The following SPOCK3 variants were observed in gnomAD, a reference collection of about 807,000 sequenced individuals.
SPOCK3 encodes the protein SPARC (osteonectin), cwcv and kazal like domains proteoglycan 3, also known as testican-3.
In SPOCK3, 30 loss-of-function variants were observed where a neutral mutation model predicts 56.6. The observed-to-expected ratio is 0.53, with a 90% CI of 0.40 to 0.72. The LOEUF (loss-of-function observed/expected upper bound fraction) is 0.72. SPOCK3 is among the 30% of genes least tolerant of loss of function. SPOCK3 has a pLI of 0.00. For missense variants in SPOCK3, 527 were observed against 530.0 expected, an observed-to-expected ratio of 0.99 and a Z score of 0.06; for synonymous variants, 196 against 183.3, an observed-to-expected ratio of 1.07 and a Z score of -0.56.
chr4:167,141,003 C>T (rs1009255143), intron 2 of SPOCK3, among the ~76,000 whole-genome samples: 2 of 151,972 alleles, frequency 1.3e-5, no homozygotes, highest in African/African-American at 4.8e-5. Flanking sequence ...AGATTCTAGC[C>T]TTCAGAGGGG....
chr4:167,019,437 A>G (rs1301241061), intron 3 of SPOCK3, among the ~76,000 whole-genome samples: 1 of 151,840 alleles, frequency 6.6e-6, no homozygotes, highest in Non-Finnish European at 1.5e-5. Context: ...TATACGTGAT[A>G]TACATAGAGT....
intron 3 of SPOCK3, chr4:167,011,096 A>G (rs1750000766): frequency 4.0e-6 from 1 of 252,598 alleles, no homozygotes; most frequent in African/African-American, 2.2e-5. Flanking sequence ...AATTGGTGAA[A>G]CAGAAAAAAA....
At position 167,138,975 on chromosome 4, in the gene SPOCK3, T is replaced by C. The variant is rs557341334; in HGVS notation, c.190-76438A>G. Among the ~76,000 whole-genome samples the C allele has an allele frequency of 5.3e-5, 8 of 152,050 alleles. No homozygotes were observed. The East Asian group carries it at 1.5e-3, about 29-fold the overall frequency. On this transcript the variant is annotated intron_variant, in intron 2 of 10. Transcript: ENST00000357545. ...TAATTCATTAAAATTTTAACAACAA[T>C]AAAATGTTAAACACAGCAGTGTCAA... is the stretch of plus-strand genomic sequence containing the variant.
chr4:167,027,427 C>A lies in SPOCK3; in HGVS notation c.236-26964G>T, dbSNP rs771002655. The stretch of plus-strand genomic sequence containing the variant: ...TCACTAGGTAATGTCCCTTGTCTTG[C>A]ATTTTGTTTGGGGATTTTCTTTGTA... On this transcript the variant is annotated intron_variant, in intron 3 of 10. Coordinates refer to ENST00000357545, the MANE Select transcript of SPOCK3 (RefSeq NM_001040159.2). 7.4e-4 allele frequency among the ~76,000 whole-genome samples: 113 copies of A among 151,850 alleles called. 1 individual carries two copies. The highest frequency in any genetic ancestry group is 1.5e-3 in the Non-Finnish European group (104 of 67,926).
intron 3 of SPOCK3, among the ~76,000 whole-genome samples, chr4:167,059,210 A>C (rs181064387): frequency 6.6e-6 from 1 of 152,290 alleles, no homozygotes; most frequent in East Asian, 1.9e-4. Context: ...CAGAGTGAAC[A>C]GGCAACCTAC....
At chr4:166,960,324 G>C (rs1737545694) in intron 4 of SPOCK3, among the ~76,000 whole-genome samples, 1 of 152,126 alleles carries the variant, frequency 6.6e-6, no homozygotes, top group African/African-American at 2.4e-5. Context: ...ATAGTGAAAG[G>C]CCACAATGAG....
At chr4:167,065,177 C>T (rs898759925) in intron 2 of SPOCK3, among the ~76,000 whole-genome samples, 1 of 151,456 alleles carries the variant, frequency 6.6e-6, no homozygotes, top group African/African-American at 2.4e-5. Flanking sequence ...CCAGTGGCAA[C>T]ACCCAAAAGG....
intron 4 of SPOCK3, among the ~76,000 whole-genome samples, chr4:166,952,043 C>T (rs1742708737): frequency 6.6e-6 from 1 of 152,198 alleles, no homozygotes; most frequent in Non-Finnish European, 1.5e-5. Flanking sequence ...TGCCTTCTCT[C>T]ACCACTCCTA....
intron 3 of SPOCK3, among the ~76,000 whole-genome samples, chr4:167,039,928 C>A (rs943884588): frequency 6.6e-6 from 1 of 152,106 alleles, no homozygotes; most frequent in Non-Finnish European, 1.5e-5. Context: ...TTATCTATCT[C>A]TTGGAATTCT....
intron 7 of SPOCK3, among the ~76,000 whole-genome samples, chr4:166,783,729 T>A (rs1231906030): frequency 6.6e-6 from 1 of 152,058 alleles, no homozygotes; most frequent in African/African-American, 2.4e-5. Context: ...TTTTTTAAGT[T>A]ATTTTACTTG....
intron 3 of SPOCK3, among the ~76,000 whole-genome samples, chr4:167,004,332 A>C (rs1451223093): frequency 6.6e-6 from 1 of 152,192 alleles, no homozygotes; most frequent in Non-Finnish European, 1.5e-5. Context: ...GATGGAATAA[A>C]TAGCAAAAAT....
chr4:166,919,310 A>G (rs1174296458), intron 4 of SPOCK3, among the ~76,000 whole-genome samples: 1 of 152,214 alleles, frequency 6.6e-6, no homozygotes. Flanking sequence ...GAGTTTAAAG[A>G]GAAGTGGATA....
intron 2 of SPOCK3, among the ~76,000 whole-genome samples, chr4:167,106,801 C>G (rs1760200090): frequency 6.8e-6 from 1 of 146,882 alleles, no homozygotes; most frequent in Admixed American, 6.8e-5. Flanking sequence ...TAAATAAAAT[C>G]AGAGATGAAC....
chr4:167,039,473 TAAC>T (rs2150197799), intron 3 of SPOCK3, among the ~76,000 whole-genome samples: 1 of 152,242 alleles, frequency 6.6e-6, no homozygotes, highest in East Asian at 1.9e-4. Context: ...TTTCTAGAAT[TAAC>T]AACTAGCACA....
At chr4:167,212,359 A>T (rs1344289741) in intron 2 of SPOCK3, among the ~76,000 whole-genome samples, 1 of 151,708 alleles carries the variant, frequency 6.6e-6, no homozygotes, top group Non-Finnish European at 1.5e-5. Context: ...TTCCTGTCTC[A>T]GTCTCCTGAG....
chr4:166,892,587 T>G (rs2127019911), intron 5 of SPOCK3, among the ~76,000 whole-genome samples: 1 of 152,216 alleles, frequency 6.6e-6, no homozygotes, highest in African/African-American at 2.4e-5. Flanking sequence ...TTTACTTAAT[T>G]ACCACGAAGC....
chr4:166,888,459 GC>G (rs1276466986), intron 6 of SPOCK3, among the ~76,000 whole-genome samples: 3 of 151,938 alleles, frequency 2.0e-5, no homozygotes, highest in Admixed American at 1.3e-4. Flanking sequence ...GGAGCTAGCA[GC>G]CATGGAGACT....
At chr4:166,834,200 G>C (rs1237288090) in intron 6 of SPOCK3, among the ~76,000 whole-genome samples, 1 of 152,098 alleles carries the variant, frequency 6.6e-6, no homozygotes, top group African/African-American at 2.4e-5. Context: ...AAATAACCTA[G>C]AATTGATTGC....
chr4:166,904,236 T>C (rs1165572952), intron 5 of SPOCK3, among the ~76,000 whole-genome samples: 1 of 151,972 alleles, frequency 6.6e-6, no homozygotes, highest in Non-Finnish European at 1.5e-5. Flanking sequence ...ACAATATTAG[T>C]GTATGTTAGT....
Sources: gnomAD v4.1 joint callset for allele counts (sites outside exome capture counted in the v4.1 genomes callset) on GRCh38, gnomAD v4.1.1 for gene constraint, MANE v1.5 for transcripts, NCBI Gene and HGNC (gene_info 2026-07-23, HGNC 2026-07-21) for gene names.